The following MTNR1B variants were observed in gnomAD, a reference collection of about 807,000 sequenced individuals.
MTNR1B encodes melatonin receptor type 1B.
A neutral mutation model predicts 7.0 loss-of-function variants in MTNR1B; 7 were observed. That is an observed-to-expected ratio of 1.00 (90% confidence interval 0.57 to 1.88). The LOEUF (loss-of-function observed/expected upper bound fraction) is 1.88, where lower values mean the gene tolerates loss of function less well. MTNR1B is among the 40% of genes most tolerant of loss of function. MTNR1B has a pLI of 0.00. For synonymous variants in MTNR1B, 226 were observed against 208.2 expected, an observed-to-expected ratio of 1.09 and a Z score of -0.74; for missense variants, 478 against 486.5, an observed-to-expected ratio of 0.98 and a Z score of 0.16.
At chr11:92,981,344 T>C in intron 1 of MTNR1B, 103 bp from the exon 2 acceptor site, 1 of 1,485,280 alleles carries the variant, frequency 6.7e-7, no homozygotes. Context: ...AGCCACTTGG[T>C]TTCCACTCAC....
At position 92,982,487 on chromosome 11, in the gene MTNR1B, G is replaced by A. The variant is rs1858128487; in HGVS notation, c.*175G>A. ...CAGCCCATCAACGCCATGGGTTCAG[G>A]CTGATCCAGGAGATGCTCACAGGCC... On this transcript the variant is annotated 3_prime_UTR_variant, in exon 2 of 2. Coordinates refer to ENST00000257068, the MANE Select transcript of MTNR1B (RefSeq NM_005959.5). 4.0e-6 allele frequency: 3 copies of A among 743,534 alleles called. No individual in the cohort carries two copies. The highest frequency in any genetic ancestry group is 5.9e-5 in the Admixed American group (2 of 33,838). The allele number at this position is 743,534 out of a possible 1,614,324, so 46.1% of individuals were successfully genotyped here.
intron 1 of MTNR1B, among the ~76,000 whole-genome samples, chr11:92,974,532 C>T (rs1432354047): frequency 4.6e-5 from 7 of 152,090 alleles, no homozygotes; most frequent in African/African-American, 1.7e-4. Flanking sequence ...GGCATGATCT[C>T]GGCTTACTGC....
intron 1 of MTNR1B, among the ~76,000 whole-genome samples, chr11:92,970,591 G>A (rs1386745011): frequency 6.6e-6 from 1 of 152,154 alleles, no homozygotes; most frequent in African/African-American, 2.4e-5. Flanking sequence ...GAAAATTAAA[G>A]CAATGATTTG....
chr11:92,977,542 T>C (rs1858029057), intron 1 of MTNR1B, among the ~76,000 whole-genome samples: 1 of 152,226 alleles, frequency 6.6e-6, no homozygotes, highest in Non-Finnish European at 1.5e-5. Flanking sequence ...GTTGCAAAAG[T>C]CTTGGTAATT....
intron 1 of MTNR1B, 88 bp downstream of exon 1, chr11:92,970,036 T>C: frequency 7.3e-7 from 1 of 1,372,962 alleles, no homozygotes; most frequent in Non-Finnish European, 9.6e-7. Flanking sequence ...TGCGCTGCCT[T>C]TTCCCTCCTC....
intron 1 of MTNR1B, among the ~76,000 whole-genome samples, chr11:92,978,674 T>C (rs1470496564): frequency 6.6e-6 from 1 of 152,206 alleles, no homozygotes. Context: ...CAGTGGGATG[T>C]CTGGGCAGAT....
At chr11:92,983,586 A>T (rs1253318466), downstream of MTNR1B, among the ~76,000 whole-genome samples, 1 of 151,748 alleles carries the variant, frequency 6.6e-6, no homozygotes, top group African/African-American at 2.4e-5. Context: ...GGGGTAGGGG[A>T]CATGGAAGTG....
At position 92,969,836 on chromosome 11, in the gene MTNR1B, C is replaced by G; in HGVS notation, c.111C>G (p.Pro37=). 1 of 1,606,940 alleles carries G rather than the reference C, an allele frequency of 6.2e-7. No homozygotes were observed. The highest frequency in any genetic ancestry group is 8.5e-7 in the Non-Finnish European group (1 of 1,177,834). ...SARPSRTPRP[P]WVAPALSAVL... ...GGCCCTCCAGGACCCCTCGACCTCC[C>G]TGGGTGGCTCCAGCGCTGTCCGCGG... Residue 37 remains proline (P), a synonymous_variant, in exon 1 of 2, where the codon CCC becomes CCG. Coordinates refer to ENST00000257068, the MANE Select transcript of MTNR1B (RefSeq NM_005959.5).
At chr11:92,975,170 C>T (rs907770833) in intron 1 of MTNR1B, among the ~76,000 whole-genome samples, 5 of 152,218 alleles carry the variant, frequency 3.3e-5, no homozygotes, top group African/African-American at 1.2e-4. Flanking sequence ...CATGTCCTCA[C>T]TGTAACACCC....
At chr11:92,972,430 G>C (rs1438655191) in intron 1 of MTNR1B, 1 of 456,062 alleles carries the variant, frequency 2.2e-6, no homozygotes, top group Non-Finnish European at 4.4e-6. Context: ...GGCAGGGTGA[G>C]TGGTTAGATT....
intron 1 of MTNR1B, among the ~76,000 whole-genome samples, chr11:92,977,994 G>T (rs1858037726): frequency 6.6e-6 from 1 of 152,158 alleles, no homozygotes; most frequent in East Asian, 1.9e-4. Flanking sequence ...TGTCCATCTG[G>T]CATAGTCAAA....
At chr11:92,971,259 C>T (rs761100886) in intron 1 of MTNR1B, among the ~76,000 whole-genome samples, 3 of 152,152 alleles carry the variant, frequency 2.0e-5, no homozygotes, top group Non-Finnish European at 4.4e-5. Flanking sequence ...CTGCGCCCGG[C>T]CAACTCTAGG....
At chr11:92,979,383 T>C (rs1858061165) in intron 1 of MTNR1B, among the ~76,000 whole-genome samples, 1 of 152,082 alleles carries the variant, frequency 6.6e-6, no homozygotes, top group Non-Finnish European at 1.5e-5. Flanking sequence ...GAGAATTAAA[T>C]TAAAAGGCAC....
At chr11:92,973,465 C>A (rs938169507) in intron 1 of MTNR1B, among the ~76,000 whole-genome samples, 6 of 152,164 alleles carry the variant, frequency 3.9e-5, no homozygotes, top group Non-Finnish European at 5.9e-5. Context: ...CTGGCCTAGC[C>A]CACCTAACTT....
chr11:92,981,554 G>T lies in MTNR1B; in HGVS notation c.331G>T (p.Glu111Ter). The T allele has an allele frequency of 1.2e-6, 2 of 1,614,138 alleles. No individual in the cohort carries two copies. The highest frequency in any genetic ancestry group is 1.7e-6 in the Non-Finnish European group (2 of 1,180,030). Reference sequence around the variant, plus strand: ...CTATGACGGCTGGGCCCTGGGGGAGGAGCACTGCAAGGCCAGCGCCTTTGT... The same window carrying T: ...CTATGACGGCTGGGCCCTGGGGGAGTAGCACTGCAAGGCCAGCGCCTTTGT... The part of the protein sequence containing the change: ...IFYDGWALGE[E>*]HCKASAFVMG... Residue 111 changes from glutamate to a stop codon, truncating the protein, a stop_gained, in exon 2 of 2, where the codon GAG becomes TAG. Coordinates refer to ENST00000257068, the MANE Select transcript of MTNR1B (RefSeq NM_005959.5). LOFTEE classifies it low-confidence loss of function (END_TRUNC).
At chr11:92,979,570 T>G (rs1858064585) in intron 1 of MTNR1B, among the ~76,000 whole-genome samples, 1 of 152,232 alleles carries the variant, frequency 6.6e-6, no homozygotes, top group South Asian at 2.1e-4. Flanking sequence ...TCCAACTTGC[T>G]GGACAATCTT....
intron 1 of MTNR1B, among the ~76,000 whole-genome samples, chr11:92,980,008 G>A (rs890501038): frequency 6.6e-6 from 1 of 152,158 alleles, no homozygotes; most frequent in East Asian, 1.9e-4. Flanking sequence ...TCTGTACCCC[G>A]TGGAATCCAC....
rs1207703815 is a variant in MTNR1B at position 92,969,706 on chromosome 11, A to G, written c.-20A>G. On this transcript the variant is annotated 5_prime_UTR_variant, in exon 1 of 2. Transcript: ENST00000257068. ...TCCGGGGCCGCGCGGTGGCCAAAGC[A>G]CAGCGCGGGAGAGTCTGCGATGTCA... The G allele has an allele frequency of 2.1e-6, 3 of 1,432,126 alleles. No individual in the cohort carries two copies. Among genetic ancestry groups the G allele is most frequent in the East Asian group, 2.6e-5 (1 of 37,744 alleles). The allele number at this position is 1,432,126 out of a possible 1,614,324, so 88.7% of individuals were successfully genotyped here. A position where few individuals can be genotyped will look rare whatever the true frequency, so the allele number is the denominator to read the frequency against.
chr11:92,982,073 C>G lies in MTNR1B; in HGVS notation c.850C>G (p.Gln284Glu), dbSNP rs754598430. 1 of 1,614,232 alleles carries G rather than the reference C, an allele frequency of 6.2e-7. No individual in the cohort carries two copies. The highest frequency in any genetic ancestry group is 2.2e-5 in the East Asian group (1 of 44,874). ...VAINPQEMAP[Q>E]IPEGLFVTSY... is the part of the protein sequence containing the mutation. ...CATCAACCCCCAAGAAATGGCTCCC[C>G]AGATCCCTGAGGGGCTATTTGTCAC... Residue 284 changes from glutamine (Q) to glutamate (E), a missense_variant, in exon 2 of 2, where the codon CAG becomes GAG. Physicochemically the swap from Gln to Glu is conservative, Grantham distance 29. Coordinates refer to ENST00000257068, the MANE Select transcript of MTNR1B (RefSeq NM_005959.5).
Sources: allele counts gnomAD v4.1 joint callset (sites outside exome capture counted in the v4.1 genomes callset), GRCh38; gene constraint gnomAD v4.1.1; transcripts MANE v1.5; gene names NCBI Gene and HGNC (gene_info 2026-07-23, HGNC 2026-07-21).